Variants in ADGRG1 observed in about 807,000 individuals in gnomAD.
The protein encoded by ADGRG1 is 7-transmembrane protein with no EGF-like N-terminal domains-1.
Under a neutral mutation model 73.5 loss-of-function variants are expected in ADGRG1, and 53 were observed. The observed-to-expected ratio is 0.72, with a 90% confidence interval of 0.58 to 0.91. The LOEUF is 0.91. ADGRG1 is among the 40% of genes least tolerant of loss of function. The pLI, the probability that ADGRG1 is intolerant of heterozygous loss-of-function variation, is 0.00. For synonymous variants in ADGRG1, 394 were observed against 374.4 expected (o/e 1.05, Z -0.60); for missense variants, 795 against 871.8 (o/e 0.91, Z 1.11).
intron 1 of ADGRG1, among the ~76,000 whole-genome samples, chr16:57,644,850 G>T (rs1329911490): frequency 2.2e-5 from 3 of 137,636 alleles, no homozygotes; most frequent in Non-Finnish European, 4.6e-5. Flanking sequence ...CTCATGCAGG[G>T]CACACACACC....
At chr16:57,642,621 A>C in intron 1 of ADGRG1, 1 of 983,740 alleles carries the variant, frequency 1.0e-6, no homozygotes. Context: ...ATACAACAGA[A>C]AGTATGGCCC....
rs1174223339 is a variant in ADGRG1 at position 57,656,265 on chromosome 16, C to T, written c.1057C>T (p.Pro353Ser). 1.2e-6 allele frequency: 2 copies of T among 1,613,388 alleles called. No individual in the cohort carries two copies. The highest frequency in any genetic ancestry group is 1.3e-5 in the African/African-American group (1 of 74,702). ...TLQCVFWVED[P>S]TLSSPGHWSS... Reference sequence around the variant, plus strand: ...GCAATGTGTGTTCTGGGTTGAAGACCCCACATGTGAGTATGCAGGGGTCTC... The same window carrying T: ...GCAATGTGTGTTCTGGGTTGAAGACTCCACATGTGAGTATGCAGGGGTCTC... The change falls in exon 8 of 14, where the codon CCC becomes TCC. Residue 353 changes from proline (P) to serine (S), a missense_variant. Pro to Ser is a moderately conservative substitution (Grantham distance 74). Transcript: ENST00000562631.
intron 1 of ADGRG1, chr16:57,629,186 T>C: frequency 3.0e-6 from 3 of 984,838 alleles, no homozygotes; most frequent in Non-Finnish European, 3.6e-6. Flanking sequence ...TCTTGGTATC[T>C]TGGTGGGATC....
intron 2 of ADGRG1, chr16:57,650,900 G>A (rs1243907916): frequency 5.3e-6 from 1 of 187,684 alleles, no homozygotes; most frequent in Non-Finnish European, 9.9e-6. Context: ...AGTAGAGACG[G>A]GGTTTCACCG....
Position 57,629,058 on chromosome 16 carries a change from A to G in ADGRG1, c.-36+256A>G, listed in dbSNP as rs987599853. 1.5e-4 allele frequency: 73 copies of G among 484,846 alleles called. 1 individual carries two copies. Among genetic ancestry groups the G allele is most frequent in the Non-Finnish European group, 1.8e-4 (69 of 380,860 alleles). 30.0% of individuals were successfully genotyped at this position (484,846 alleles called of 1,614,324 possible). ...AGAGTGTGAGTGAGTGTGTGTGAGTATGAGTGTGAGTGTGAGTGTGGGAGT... is the reference window on the plus strand; with the variant it reads ...AGAGTGTGAGTGAGTGTGTGTGAGTGTGAGTGTGAGTGTGAGTGTGGGAGT... On this transcript the variant is annotated intron_variant, in intron 1 of 13. Transcript: ENST00000562631.
chr16:57,651,561 C>G lies in ADGRG1; in HGVS notation c.426C>G (p.Ser142=), dbSNP rs1303660858. The part of the protein sequence containing the change: ...GPPLLATSVT[S]WWSPQNISLP... ...CGCTGTTAGCCACTTCTGTCACCTC[C>G]TGGTGGAGCCCTCAGAACATCAGCC... The change falls in exon 3 of 14, where the codon TCC becomes TCG. Residue 142 remains serine, a synonymous_variant. Coordinates refer to ENST00000562631, the MANE Select transcript of ADGRG1 (RefSeq NM_201525.4). The G allele has an allele frequency of 6.2e-7, 1 of 1,614,182 alleles. No homozygotes were observed. The highest frequency in any genetic ancestry group is 8.5e-7 in the Non-Finnish European group (1 of 1,180,040).
In ADGRG1 at chr16:57,646,618, C is replaced by T. The variant is rs2042713497; in HGVS notation, c.-35-3635C>T. 5.1e-6 allele frequency: 5 copies of T among 985,088 alleles called. No individual in the cohort carries two copies. In the African/African-American group the frequency reaches 8.7e-5, roughly 17 times the overall value. The allele number at this position is 985,088 out of a possible 1,614,324, so 61.0% of individuals were successfully genotyped here. A position where few individuals can be genotyped will look rare whatever the true frequency, so the allele number is the denominator to read the frequency against. ...GCTACTCTCCATTCTCCTCTCCTTC[C>T]CTTTGTGGGGATTCTAAAGCCGGGG... On this transcript the variant is annotated intron_variant, in intron 1 of 13. Coordinates refer to ENST00000562631, the MANE Select transcript of ADGRG1 (RefSeq NM_201525.4).
chr16:57,655,917 G>A lies in ADGRG1; in HGVS notation c.942G>A (p.Gly314=). The A allele has an allele frequency of 1.2e-6, 2 of 1,614,152 alleles. No individual in the cohort carries two copies. The highest frequency in any genetic ancestry group is 2.2e-5 in the East Asian group (1 of 44,870). ...SSQVLGEKVL[G]IVVQNTKVAN... is the part of the protein sequence containing the mutation. ...AAGTCCTGGGTGAGAAGGTCTTGGG[G>A]ATTGTGGTACAGAACACCAAAGTAG... is the stretch of plus-strand genomic sequence containing the variant. The change falls in exon 7 of 14, where the codon GGG becomes GGA. Residue 314 remains glycine (G), a synonymous_variant. Transcript: ENST00000562631.
At chr16:57,637,395 G>T in intron 1 of ADGRG1, 1 of 985,312 alleles carries the variant, frequency 1.0e-6, no homozygotes, top group Non-Finnish European at 1.2e-6. Flanking sequence ...CTGTGCCTCT[G>T]TTTCTCCGGG....
intron 1 of ADGRG1, chr16:57,643,836 G>A (rs2041496862): frequency 3.0e-6 from 3 of 983,960 alleles, no homozygotes; most frequent in Non-Finnish European, 2.4e-6. Context: ...GAATAGGGGA[G>A]GAGAGTGCTT....
Position 57,650,513 on chromosome 16 carries a change from G to T in ADGRG1, c.64+162G>T, listed in dbSNP as rs1161735359. On this transcript the variant is annotated intron_variant, in intron 2 of 13. Coordinates refer to ENST00000562631, the MANE Select transcript of ADGRG1 (RefSeq NM_201525.4). Reference sequence around the variant, plus strand: ...CAAAAGACACTCCTTCCTTCTGGCAGGTGCAGCCCTGCAGTGCACAGCTTA... The same window carrying T: ...CAAAAGACACTCCTTCCTTCTGGCATGTGCAGCCCTGCAGTGCACAGCTTA... The T allele has an allele frequency of 1.3e-5, 10 of 764,846 alleles. No homozygotes were observed. In the South Asian group the frequency reaches 5.3e-4, roughly 41 times the overall value. 47.4% of individuals were successfully genotyped at this position (764,846 alleles called of 1,614,324 possible).
chr16:57,652,839 G>A (rs2044437254), intron 3 of ADGRG1: 2 of 1,116,666 alleles, frequency 1.8e-6, no homozygotes, highest in South Asian at 4.4e-5. Flanking sequence ...GGAGGCTGGT[G>A]GGTGTGGAGT....
rs7191189 is a variant in ADGRG1, at chr16:57,664,492, T to C, written c.*910T>C. 4,644 of 152,416 alleles carry C rather than the reference T, an allele frequency of 0.03. 238 individuals are homozygous for C. The highest frequency in any genetic ancestry group is 0.11 in the African/African-American group (4,367 of 41,508). The allele number at this position is 152,416 out of a possible 1,614,324, so 9.4% of individuals were successfully genotyped here. Reference sequence around the variant, plus strand: ...GGGCCCTCAGCCTCTCCTGAAGCCCTCTTGTGGCAAGAACTGTGGACCATG... The same window carrying C: ...GGGCCCTCAGCCTCTCCTGAAGCCCCCTTGTGGCAAGAACTGTGGACCATG... On this transcript the variant is annotated 3_prime_UTR_variant, in exon 14 of 14. Transcript: ENST00000562631.
intron 1 of ADGRG1, chr16:57,642,754 A>G (rs2041172953): frequency 1.7e-6 from 1 of 575,306 alleles, no homozygotes; most frequent in Admixed American, 6.3e-5. Flanking sequence ...CACAATGGCT[A>G]AAAGTTTGGG....
chr16:57,644,677 C>T (rs1369341505), intron 1 of ADGRG1, among the ~76,000 whole-genome samples: 29 of 132,060 alleles, frequency 2.2e-4, no homozygotes, highest in Admixed American at 2.0e-3. Context: ...TCCTCACACA[C>T]TCATGCACAA....
rs1437697181 is a variant in ADGRG1 at position 57,643,628 on chromosome 16, G to A, written c.-35-6625G>A. On this transcript the variant is annotated intron_variant, in intron 1 of 13. Coordinates refer to ENST00000562631, the MANE Select transcript of ADGRG1 (RefSeq NM_201525.4). ...CTCACCCTGGGCAGTGAGTGGGCCA[G>A]GCCTGGGCACCTGCCAGCCTCCGAG... The A allele has an allele frequency of 6.1e-6, 6 of 984,712 alleles. No individual in the cohort carries two copies. The African/African-American group carries it at 8.7e-5, about 14-fold the overall frequency. 61.0% of individuals were successfully genotyped at this position (984,712 alleles called of 1,614,324 possible).
chr16:57,659,131 T>C (rs973775351), intron 10 of ADGRG1: 1 of 985,272 alleles, frequency 1.0e-6, no homozygotes, highest in Non-Finnish European at 1.2e-6. Context: ...TTTGAGAGTA[T>C]CTGGTTTATT....
chr16:57,652,252 GCAC>G, intron 3 of ADGRG1: 10 of 539,800 alleles, frequency 1.9e-5, no homozygotes, highest in South Asian at 7.8e-5. Flanking sequence ...CTGCCATTCA[GCAC>G]CATTAAATGC....
chr16:57,660,152 TG>T (rs2046734974), intron 11 of ADGRG1: 2 of 572,370 alleles, frequency 3.5e-6, no homozygotes, highest in South Asian at 1.5e-4. Context: ...AGCCCTCTTA[TG>T]TCAGACCTAC....
Sources: gnomAD v4.1 joint callset for allele counts (sites outside exome capture counted in the v4.1 genomes callset) on GRCh38, gnomAD v4.1.1 for gene constraint, MANE v1.5 for transcripts, NCBI Gene and HGNC (gene_info 2026-07-23, HGNC 2026-07-21) for gene names.